ARB2A: variants seen among roughly 807,000 people sequenced by gnomAD.
The protein encoded by ARB2A is ARB2 cotranscriptional regulator A.
chr5:93,696,143 C>A, the ARB2A span, among the ~76,000 whole-genome samples: 1 of 152,044 alleles, frequency 6.6e-6, no homozygotes, highest in Non-Finnish European at 1.5e-5. Context: ...ATGTAACAAA[C>A]CTGCACGTTC....
chr5:94,089,738 G>A, the ARB2A span, among the ~76,000 whole-genome samples: 10 of 151,404 alleles, frequency 6.6e-5, no homozygotes, highest in Non-Finnish European at 1.0e-4. Flanking sequence ...AAGTTTAAAC[G>A]AAGATTCCAA....
the ARB2A span, among the ~76,000 whole-genome samples, chr5:93,971,569 A>AAAT: frequency 7.2e-6 from 1 of 139,356 alleles, no homozygotes; most frequent in East Asian, 2.1e-4. Flanking sequence ...CTCCGTCTCA[A>AAAT]AAATAAATAA....
At chr5:93,855,285 G>C in the ARB2A span, among the ~76,000 whole-genome samples, 19 of 152,016 alleles carry the variant, frequency 1.2e-4, no homozygotes, top group Non-Finnish European at 2.4e-4. Flanking sequence ...TGCAACCCCT[G>C]CCTTTTTTTG....
the ARB2A span, among the ~76,000 whole-genome samples, chr5:93,639,890 CA>C: frequency 6.6e-6 from 1 of 150,996 alleles, no homozygotes; most frequent in East Asian, 2.0e-4. Flanking sequence ...ACTAAAAATA[CA>C]AAAATTAGCT....
chr5:93,877,103 T>C, the ARB2A span, among the ~76,000 whole-genome samples: 6 of 152,198 alleles, frequency 3.9e-5, no homozygotes, highest in Admixed American at 6.5e-5. Flanking sequence ...TTTGTGTCCA[T>C]GTAATTCTCT....
the ARB2A span, among the ~76,000 whole-genome samples, chr5:94,076,624 T>C: frequency 2.6e-5 from 4 of 152,224 alleles, no homozygotes; most frequent in African/African-American, 7.2e-5. Flanking sequence ...TATATTTCCA[T>C]TCAGGAATTA....
At chr5:93,757,614 T>C in the ARB2A span, among the ~76,000 whole-genome samples, 3 of 152,196 alleles carry the variant, frequency 2.0e-5, no homozygotes, top group Non-Finnish European at 4.4e-5. Flanking sequence ...CCAAGAATTT[T>C]GTATCCAGTG....
chr5:93,918,562 C>A, the ARB2A span, among the ~76,000 whole-genome samples: 1 of 150,588 alleles, frequency 6.6e-6, no homozygotes. Flanking sequence ...GCTGGGATTA[C>A]AAGCACCCGC....
At chr5:93,948,917 C>T in the ARB2A span, among the ~76,000 whole-genome samples, 1 of 152,180 alleles carries the variant, frequency 6.6e-6, no homozygotes, top group African/African-American at 2.4e-5. Flanking sequence ...CTTCCCTCTA[C>T]TCATCCTTTT....
At chr5:94,018,774 G>A in the ARB2A span, among the ~76,000 whole-genome samples, 1 of 151,390 alleles carries the variant, frequency 6.6e-6, no homozygotes, top group Non-Finnish European at 1.5e-5. Flanking sequence ...CTAATTCTGT[G>A]ATGAATTGAC....
chr5:94,081,917 T>C, the ARB2A span, among the ~76,000 whole-genome samples: 1 of 152,156 alleles, frequency 6.6e-6, no homozygotes, highest in South Asian at 2.1e-4. Context: ...CTTTACGTTC[T>C]ATAAAACAGA....
the ARB2A span, chr5:93,804,950 A>G: frequency 7.1e-6 from 7 of 983,026 alleles, no homozygotes; most frequent in South Asian, 3.3e-4. Context: ...AGAGTGGCAA[A>G]AAATTTACAA....
the ARB2A span, among the ~76,000 whole-genome samples, chr5:93,925,893 C>A: frequency 2.6e-5 from 4 of 152,190 alleles, no homozygotes. Flanking sequence ...GGCAGCTTTT[C>A]TCATTTCCCA....
the ARB2A span, among the ~76,000 whole-genome samples, chr5:94,109,781 C>T: frequency 6.6e-6 from 1 of 152,172 alleles, no homozygotes; most frequent in East Asian, 1.9e-4. Flanking sequence ...GATCTCCACT[C>T]AAGTGTTCCC....
chr5:93,637,414 GGTTTTTGTGTGAGCACAAATCTTAATT>G, the ARB2A span, among the ~76,000 whole-genome samples: 8 of 133,794 alleles, frequency 6.0e-5, no homozygotes, highest in Non-Finnish European at 1.1e-4. Flanking sequence ...TTCATGTACA[GGTTTTTGTGTGAGCACAAATCTTAATT>G]TCTCTGGGAT....
At chr5:93,982,406 ATATATG>A in the ARB2A span, among the ~76,000 whole-genome samples, 1 of 152,234 alleles carries the variant, frequency 6.6e-6, no homozygotes, top group Non-Finnish European at 1.5e-5. Context: ...AAAGCTGAAT[ATATATG>A]TATGTACATG....
At chr5:93,958,540 T>C in the ARB2A span, among the ~76,000 whole-genome samples, 1 of 152,046 alleles carries the variant, frequency 6.6e-6, no homozygotes, top group African/African-American at 2.4e-5. Flanking sequence ...TAAAAATATT[T>C]TAGAAAAATA....
chr5:93,932,166 A>G, the ARB2A span, among the ~76,000 whole-genome samples: 2 of 152,210 alleles, frequency 1.3e-5, no homozygotes, highest in Admixed American at 6.5e-5. Context: ...CTTATTAACA[A>G]CAATGGTGTG....
chr5:93,617,966 C>T, the ARB2A span: 9 of 152,132 alleles, frequency 5.9e-5, no homozygotes, highest in Non-Finnish European at 1.2e-4. Context: ...AAAATATTGA[C>T]GGATGCTGTC....
Sources: allele counts gnomAD v4.1 joint callset (sites outside exome capture counted in the v4.1 genomes callset), GRCh38; gene constraint gnomAD v4.1.1; transcripts MANE v1.5; gene names NCBI Gene and HGNC (gene_info 2026-07-23, HGNC 2026-07-21).